RAPGEF4: variants seen among roughly 807,000 people sequenced by gnomAD.
The protein encoded by RAPGEF4 is Rap guanine nucleotide exchange factor 4.
Under a neutral mutation model 147.9 loss-of-function variants are expected in RAPGEF4, and 66 were observed. The ratio of observed to expected loss-of-function variants is 0.45; its 90% CI spans 0.37 to 0.55. The LOEUF (loss-of-function observed/expected upper bound fraction) is 0.55, where lower values mean the gene tolerates loss of function less well. RAPGEF4 is among the 20% of genes least tolerant of loss of function. RAPGEF4 has a pLI of 0.00. For synonymous variants in RAPGEF4, 419 were observed against 442.7 expected (o/e 0.95, Z 0.67); for missense variants, 1,071 against 1,257.3 (o/e 0.85, Z 2.24).
chr2:172,742,407 A>G (rs990030384), intron 1 of RAPGEF4, among the ~76,000 whole-genome samples: 11 of 151,756 alleles, frequency 7.2e-5, no homozygotes, highest in African/African-American at 2.7e-4. Context: ...TTTTCATTGT[A>G]CCTCCATGCA....
chr2:173,022,674 C>T (rs1476119632), intron 23 of RAPGEF4, among the ~76,000 whole-genome samples: 2 of 152,210 alleles, frequency 1.3e-5, no homozygotes, highest in Non-Finnish European at 2.9e-5. Flanking sequence ...TCTGTCCTTA[C>T]CGCAGTTACG....
At chr2:173,001,422 T>A in intron 17 of RAPGEF4, 78 bp downstream of exon 17, 1 of 1,571,566 alleles carries the variant, frequency 6.4e-7, no homozygotes, top group Non-Finnish European at 8.7e-7. Context: ...TTATCTCATC[T>A]TCTGCAGGTA....
Position 173,027,174 on chromosome 2 carries a change from T to C in RAPGEF4, c.2473T>C (p.Phe825Leu). 6.2e-7 allele frequency: 1 copy of C among 1,613,752 alleles called. No individual in the cohort carries two copies. Among genetic ancestry groups the C allele is most frequent in the Non-Finnish European group, 8.5e-7 (1 of 1,179,904 alleles). The change falls in exon 25 of 31, where the codon TTT becomes CTT. Residue 825 changes from phenylalanine to leucine, a missense_variant. Physicochemically the swap from Phe to Leu is conservative, Grantham distance 22. Coordinates refer to ENST00000397081, the MANE Select transcript of RAPGEF4 (RefSeq NM_007023.4). ...LFLRRFNEIQ[F>L]WVVTEICLCS... is the part of the protein sequence containing the mutation. The stretch of plus-strand genomic sequence containing the variant: ...CCTGAGGAGATTTAATGAAATTCAG[T>C]TTTGGGTCGTCACTGAGATCTGCCT...
chr2:172,823,553 T>A (rs541552002), intron 4 of RAPGEF4, among the ~76,000 whole-genome samples: 4 of 152,274 alleles, frequency 2.6e-5, no homozygotes, highest in African/African-American at 9.6e-5. Context: ...AAGCGCTTTA[T>A]GTGTAGAAAG....
chr2:172,810,466 A>G (rs1687917191), intron 3 of RAPGEF4, among the ~76,000 whole-genome samples: 1 of 152,220 alleles, frequency 6.6e-6, no homozygotes, highest in Non-Finnish European at 1.5e-5. Context: ...GCTGCTGCAC[A>G]ATGGGACTAA....
rs533421805 is a variant in RAPGEF4, at chr2:173,003,641, CT to C, written c.1658+2299del. On this transcript the variant is annotated intron_variant, in intron 17 of 30. Transcript: ENST00000397081. The stretch of plus-strand genomic sequence containing the variant: ...CCACAAAAAAACAAAAAAGGAGTGG[CT>C]TGCCCAGGGCAAATAGCTGAGTTCT... Among the ~76,000 whole-genome samples the C allele has an allele frequency of 1.1e-3, 163 of 152,232 alleles. 2 individuals are homozygous for C. Among genetic ancestry groups the C allele is most frequent in the Non-Finnish European group, 2.0e-3 (137 of 68,002 alleles).
At chr2:172,890,091 T>C (rs1697730957) in intron 4 of RAPGEF4, among the ~76,000 whole-genome samples, 2 of 152,202 alleles carry the variant, frequency 1.3e-5, no homozygotes, top group African/African-American at 4.8e-5. Context: ...ATTTAGAACA[T>C]GTAAGGAAGG....
intron 2 of RAPGEF4, among the ~76,000 whole-genome samples, chr2:172,796,024 G>A (rs968803032): frequency 2.6e-5 from 4 of 152,156 alleles, no homozygotes; most frequent in African/African-American, 9.7e-5. Flanking sequence ...TTGACTCATT[G>A]GCCAGAAATG....
At chr2:172,946,502 C>T (rs2105358798) in intron 6 of RAPGEF4, among the ~76,000 whole-genome samples, 1 of 152,284 alleles carries the variant, frequency 6.6e-6, no homozygotes, top group South Asian at 2.1e-4. Context: ...CCTACACTTT[C>T]TCTCACCTCC....
intron 25 of RAPGEF4, 35 bp downstream of exon 25, chr2:173,027,294 T>A: frequency 6.7e-7 from 1 of 1,482,630 alleles, no homozygotes; most frequent in Non-Finnish European, 9.0e-7. Flanking sequence ...GAAAAAAAAA[T>A]GTTGAGCTGT....
chr2:173,019,285 A>G (rs532869735), intron 22 of RAPGEF4, among the ~76,000 whole-genome samples: 1 of 152,374 alleles, frequency 6.6e-6, no homozygotes, highest in East Asian at 1.9e-4. Context: ...TTTTTCCTCC[A>G]CGGGATTACA....
intron 23 of RAPGEF4, among the ~76,000 whole-genome samples, chr2:173,022,456 A>C (rs976843176): frequency 6.6e-6 from 1 of 152,192 alleles, no homozygotes; most frequent in East Asian, 1.9e-4. Context: ...CCTGCCTCAC[A>C]TAACTGTGGA....
rs569783379 is a variant in RAPGEF4 at position 173,041,575 on chromosome 2, G to A, written c.2853+4883G>A. On this transcript the variant is annotated intron_variant, in intron 29 of 30. Coordinates refer to ENST00000397081, the MANE Select transcript of RAPGEF4 (RefSeq NM_007023.4). ...AATCCACATAAGATATAAAAACTAG[G>A]TCACAATAGTAATAAAAGATGTCAG... Among the ~76,000 whole-genome samples, 118 of 152,228 alleles carry A rather than the reference G, an allele frequency of 7.8e-4. 1 individual carries two copies. Among genetic ancestry groups the A allele is most frequent in the Non-Finnish European group, 1.4e-3 (98 of 68,004 alleles).
At chr2:172,890,295 T>G (rs1369701061) in intron 4 of RAPGEF4, among the ~76,000 whole-genome samples, 1 of 152,216 alleles carries the variant, frequency 6.6e-6, no homozygotes, top group Non-Finnish European at 1.5e-5. Context: ...GACAGCCATT[T>G]CCACAATTGT....
intron 14 of RAPGEF4, among the ~76,000 whole-genome samples, 159 bp downstream of exon 14, chr2:172,988,998 G>A (rs527538462): frequency 9.8e-5 from 15 of 152,336 alleles, no homozygotes; most frequent in Admixed American, 9.1e-4. Flanking sequence ...TAATGTGTTG[G>A]TATGCATTCT....
Position 172,741,469 on chromosome 2 carries a change from A to G in RAPGEF4, c.65+5421A>G, listed in dbSNP as rs528855856. On this transcript the variant is annotated intron_variant, in intron 1 of 30. Transcript: ENST00000397081. ...GCTGGGGAAGGGCGTGGGTGACACC[A>G]TCCACATCTGCCTCTGTTGCTTCTT... Among the ~76,000 whole-genome samples, 3 of 152,294 alleles carry G rather than the reference A, an allele frequency of 2.0e-5. No individual in the cohort carries two copies. In the South Asian group the frequency reaches 6.2e-4, roughly 32 times the overall value.
At chr2:172,830,169 A>T (rs1470639228) in intron 4 of RAPGEF4, among the ~76,000 whole-genome samples, 1 of 152,166 alleles carries the variant, frequency 6.6e-6, no homozygotes, top group African/African-American at 2.4e-5. Flanking sequence ...TCCCAGTGTA[A>T]CATATCTTTG....
chr2:172,938,324 C>T (rs140116872), intron 6 of RAPGEF4, among the ~76,000 whole-genome samples: 5 of 152,188 alleles, frequency 3.3e-5, no homozygotes, highest in South Asian at 2.1e-4. Flanking sequence ...CCACATGGAT[C>T]GTTCTAGTCC....
chr2:173,021,541 T>C (rs1696090851), intron 23 of RAPGEF4, among the ~76,000 whole-genome samples: 1 of 152,086 alleles, frequency 6.6e-6, no homozygotes, highest in Non-Finnish European at 1.5e-5. Context: ...TGAGCCAAGA[T>C]GGCGCCACTG....
Sources: allele counts gnomAD v4.1 joint callset (sites outside exome capture counted in the v4.1 genomes callset), GRCh38; gene constraint gnomAD v4.1.1; transcripts MANE v1.5; gene names NCBI Gene and HGNC (gene_info 2026-07-23, HGNC 2026-07-21).